FOXP2: variants seen among roughly 807,000 people sequenced by gnomAD.
FOXP2 encodes the protein forkhead box P2, also known as forkhead box protein P2.
FOXP2 carries 12 observed loss-of-function variants against 115.8 expected under a neutral mutation model. The observed-to-expected ratio is 0.10, with a 90% CI of 0.07 to 0.17. The LOEUF (loss-of-function observed/expected upper bound fraction) is 0.17, where lower values mean the gene tolerates loss of function less well. Ranked by LOEUF, FOXP2 falls within the 10% of genes least tolerant of loss-of-function variation. FOXP2 has a pLI of 1.00. For missense variants in FOXP2, 629 were observed against 843.5 expected, an observed-to-expected ratio of 0.75 and a Z score of 3.15; for synonymous variants, 328 against 297.7, an observed-to-expected ratio of 1.10 and a Z score of -1.05.
rs747155760 is a variant in FOXP2, at chr7:114,642,553, G to T, written c.919G>T (p.Ala307Ser). 3.1e-6 allele frequency: 5 copies of T among 1,613,570 alleles called. No homozygotes were observed. Among genetic ancestry groups the T allele is most frequent in the Non-Finnish European group, 4.2e-6 (5 of 1,179,932 alleles). ...GACTACCTCCTCCAACACTTCCAAA[G>T]CATCACCACCAATAACTCATCATTC... Reference protein sequence around the residue: ...SSTTSSNTSKASPPITHHSIV... With the variant: ...SSTTSSNTSKSSPPITHHSIV... The change falls in exon 7 of 17, where the codon GCA (alanine) becomes TCA (serine). Residue 307 changes from alanine (A) to serine (S), a missense_variant. Transcript: ENST00000350908.
intron 2 of FOXP2, among the ~76,000 whole-genome samples, chr7:114,367,660 C>G (rs746331830): frequency 6.6e-6 from 1 of 152,086 alleles, no homozygotes; most frequent in African/African-American, 2.4e-5. Context: ...CCCCTGAACC[C>G]TAAGTCTAAA....
intron 2 of FOXP2, among the ~76,000 whole-genome samples, chr7:114,344,129 G>T (rs1209669784): frequency 1.3e-5 from 2 of 151,514 alleles, no homozygotes; most frequent in Non-Finnish European, 3.0e-5. Flanking sequence ...GACATCTGTT[G>T]TTATAGTACC....
intron 1 of FOXP2, among the ~76,000 whole-genome samples, chr7:114,424,376 C>T (rs1793746599): frequency 6.6e-6 from 1 of 151,366 alleles, no homozygotes; most frequent in Non-Finnish European, 1.5e-5. Flanking sequence ...ATAAATATTT[C>T]AAATAACTTA....
intron 1 of FOXP2, among the ~76,000 whole-genome samples, chr7:114,206,665 G>C (rs1242307381): frequency 6.6e-6 from 1 of 152,014 alleles, no homozygotes; most frequent in African/African-American, 2.4e-5. Context: ...TGGAATGAAA[G>C]CTCCATGAGT....
chr7:114,374,216 G>T (rs1354831709), intron 2 of FOXP2, among the ~76,000 whole-genome samples: 1 of 152,080 alleles, frequency 6.6e-6, no homozygotes, highest in Non-Finnish European at 1.5e-5. Context: ...TGTATCTTAG[G>T]TGATGGTTTA....
At chr7:114,584,009 T>G (rs1201706810) in intron 3 of FOXP2, among the ~76,000 whole-genome samples, 1 of 152,182 alleles carries the variant, frequency 6.6e-6, no homozygotes, top group Non-Finnish European at 1.5e-5. Context: ...CCACACACCC[T>G]TTGAGGTATT....
intron 2 of FOXP2, among the ~76,000 whole-genome samples, chr7:114,521,250 C>T (rs971441312): frequency 5.9e-5 from 9 of 151,996 alleles, no homozygotes; most frequent in African/African-American, 2.2e-4. Flanking sequence ...AGCATGAACA[C>T]TACTTGGATT....
chr7:114,494,505 A>G (rs1797220730), intron 2 of FOXP2, among the ~76,000 whole-genome samples: 1 of 152,080 alleles, frequency 6.6e-6, no homozygotes, highest in Admixed American at 6.6e-5. Context: ...TTCTCTTTTT[A>G]TCCTTGGCCA....
chr7:114,466,011 T>C (rs1795783485), intron 2 of FOXP2, among the ~76,000 whole-genome samples: 1 of 152,216 alleles, frequency 6.6e-6, no homozygotes, highest in Non-Finnish European at 1.5e-5. Context: ...TCCCTCATTA[T>C]ACCCAAATCA....
chr7:114,262,759 A>G (rs1406935799), intron 1 of FOXP2, among the ~76,000 whole-genome samples: 2 of 152,152 alleles, frequency 1.3e-5, no homozygotes, highest in Non-Finnish European at 2.9e-5. Flanking sequence ...CACCCACCTG[A>G]GGAATTTATT....
At chr7:114,516,267 C>T (rs890521121) in intron 2 of FOXP2, among the ~76,000 whole-genome samples, 2 of 152,124 alleles carry the variant, frequency 1.3e-5, no homozygotes, top group African/African-American at 4.8e-5. Flanking sequence ...ATATCTACAA[C>T]CATCTGATCT....
intron 1 of FOXP2, among the ~76,000 whole-genome samples, chr7:114,106,460 C>T (rs190268203): frequency 6.6e-6 from 1 of 150,958 alleles, no homozygotes; most frequent in Non-Finnish European, 1.5e-5. Context: ...ACTTGTTTTG[C>T]TAAAAGAGCA....
chr7:114,499,420 A>C (rs1797466088), intron 2 of FOXP2: 1 of 152,508 alleles, frequency 6.6e-6, no homozygotes, highest in Admixed American at 6.5e-5. Context: ...TACTTTATTT[A>C]ACAATGTTTT....
chr7:114,685,536 A>T (rs1808314405), intron 16 of FOXP2, among the ~76,000 whole-genome samples: 1 of 152,128 alleles, frequency 6.6e-6, no homozygotes, highest in Admixed American at 6.6e-5. Flanking sequence ...TAATTTCATG[A>T]TTTACCCCAC....
At chr7:114,569,461 C>T (rs1201374832) in intron 3 of FOXP2, among the ~76,000 whole-genome samples, 1 of 151,860 alleles carries the variant, frequency 6.6e-6, no homozygotes, top group Non-Finnish European at 1.5e-5. Flanking sequence ...TGGAGTTAAC[C>T]TCATAGTTAA....
At chr7:114,238,070 C>T (rs1795057579) in intron 1 of FOXP2, among the ~76,000 whole-genome samples, 1 of 152,162 alleles carries the variant, frequency 6.6e-6, no homozygotes, top group Non-Finnish European at 1.5e-5. Context: ...AAACTTTTGA[C>T]ATATGTATTT....
At chr7:114,325,970 G>C (rs980079335) in intron 2 of FOXP2, among the ~76,000 whole-genome samples, 1 of 152,012 alleles carries the variant, frequency 6.6e-6, no homozygotes. Flanking sequence ...CCCCATAATA[G>C]ATACAACAAA....
At chr7:114,499,690 C>A (rs1797476296) in intron 2 of FOXP2, 2 of 152,226 alleles carry the variant, frequency 1.3e-5, no homozygotes, top group South Asian at 4.1e-4. Context: ...AAAACTTTTT[C>A]TCTTGGTTTT....
intron 2 of FOXP2, among the ~76,000 whole-genome samples, chr7:114,340,707 A>G (rs1014964982): frequency 6.6e-6 from 1 of 151,048 alleles, no homozygotes; most frequent in Admixed American, 6.6e-5. Flanking sequence ...TAAAAGTTGG[A>G]TATTTGTCAC....
Sources: allele counts gnomAD v4.1 joint callset (sites outside exome capture counted in the v4.1 genomes callset), GRCh38; gene constraint gnomAD v4.1.1; transcripts MANE v1.5; gene names NCBI Gene and HGNC (gene_info 2026-07-23, HGNC 2026-07-21).